The following NKD1 variants were observed in gnomAD, a reference collection of about 807,000 sequenced individuals.
NKD1 encodes protein naked cuticle homolog 1.
In NKD1, 21 loss-of-function variants were observed where a neutral mutation model predicts 56.0. That is an observed-to-expected ratio of 0.38 (90% CI 0.27 to 0.54). The LOEUF is 0.54. NKD1 is among the 20% of genes least tolerant of loss of function. The pLI is 0.82. For synonymous variants in NKD1, 263 were observed against 265.7 expected (o/e 0.99, Z 0.10); for missense variants, 578 against 642.7 (o/e 0.90, Z 1.09).
intron 3 of NKD1, among the ~76,000 whole-genome samples, chr16:50,596,620 G>T (rs1422510764): frequency 1.3e-5 from 2 of 152,256 alleles, no homozygotes; most frequent in East Asian, 3.8e-4. Flanking sequence ...TCAAGAAAAT[G>T]CAGGGCGTGT....
At chr16:50,551,745 A>T (rs1410525151) in intron 3 of NKD1, 1 of 152,168 alleles carries the variant, frequency 6.6e-6, no homozygotes, top group Non-Finnish European at 1.5e-5. Context: ...CAGAAAAAAA[A>T]ATAACTAGGA....
chr16:50,564,319 C>T (rs1431731006), intron 3 of NKD1, among the ~76,000 whole-genome samples: 1 of 152,212 alleles, frequency 6.6e-6, no homozygotes, highest in Non-Finnish European at 1.5e-5. Flanking sequence ...ACTGGCGTCT[C>T]GTCCTCTTGG....
At chr16:50,564,979 T>C (rs778095915) in intron 3 of NKD1, among the ~76,000 whole-genome samples, 5 of 152,178 alleles carry the variant, frequency 3.3e-5, no homozygotes, top group Non-Finnish European at 5.9e-5. Context: ...TGTGCATGCT[T>C]ATCCCTGCAC....
At chr16:50,549,649 T>G (rs1392514831) in intron 3 of NKD1, 94 bp downstream of exon 3, 115 of 1,221,652 alleles carry the variant, frequency 9.4e-5, no homozygotes, top group Non-Finnish European at 1.2e-4. Context: ...AGCACTTTCC[T>G]GCACAGCTTC....
At chr16:50,571,424 G>A (rs1392458839) in intron 3 of NKD1, 48 of 949,306 alleles carry the variant, frequency 5.1e-5, no homozygotes, top group Non-Finnish European at 6.0e-5. Context: ...GACCTTGGGA[G>A]TTTCAAGTGC....
At chr16:50,602,912 G>T (rs535353301) in intron 3 of NKD1, among the ~76,000 whole-genome samples, 1 of 152,230 alleles carries the variant, frequency 6.6e-6, no homozygotes, top group Non-Finnish European at 1.5e-5. Context: ...TTAACAGGAA[G>T]TGCATTGCCC....
At chr16:50,601,215 G>C (rs541563129) in intron 3 of NKD1, among the ~76,000 whole-genome samples, 1 of 152,362 alleles carries the variant, frequency 6.6e-6, no homozygotes, top group Non-Finnish European at 1.5e-5. Flanking sequence ...CGCTCCACTG[G>C]CTCCCAAGCT....
rs1962681351 is a variant in NKD1, at chr16:50,646,425, G to A, written c.*12644G>A. 2 of 152,222 alleles carry A rather than the reference G, an allele frequency of 1.3e-5. No individual in the cohort carries two copies. The highest frequency in any genetic ancestry group is 4.1e-4 in the South Asian group (2 of 4,822). 9.4% of individuals were successfully genotyped at this position (152,222 alleles called of 1,614,324 possible). A position where few individuals can be genotyped will look rare whatever the true frequency, so the allele number is the denominator to read the frequency against. ...TGATGCCACAGTCTTTTATGTACAT[G>A]GCAAAAACGGGACAGAAATTGATTT... On this transcript the variant is annotated 3_prime_UTR_variant, in exon 10 of 10. Coordinates refer to ENST00000268459, the MANE Select transcript of NKD1 (RefSeq NM_033119.5).
At position 50,633,086 on chromosome 16, in the gene NKD1, G is replaced by T; in HGVS notation, c.824-106G>T. 9.7e-7 allele frequency: 1 copy of T among 1,029,832 alleles called. No individual in the cohort carries two copies. 63.8% of individuals were successfully genotyped at this position (1,029,832 alleles called of 1,614,324 possible). A position where few individuals can be genotyped will look rare whatever the true frequency, so the allele number is the denominator to read the frequency against. On this transcript the variant is annotated intron_variant, in intron 9 of 9. Coordinates refer to ENST00000268459, the MANE Select transcript of NKD1 (RefSeq NM_033119.5). This position sits in a 1 kb window ranked among gnomAD's most constrained non-coding sequence, Gnocchi z 4.9. The stretch of plus-strand genomic sequence containing the variant: ...TGAGGGGCAGTCAGGGCATTGGGGG[G>T]TAGCTCTGGTTTTGGAGAACTGGGG...
chr16:50,581,826 G>A (rs760592276), intron 3 of NKD1, among the ~76,000 whole-genome samples: 2 of 152,192 alleles, frequency 1.3e-5, no homozygotes, highest in African/African-American at 2.4e-5. Flanking sequence ...AGAATTGTGT[G>A]TGTAGGCATG....
Position 50,613,274 on chromosome 16 carries a change from G to A in NKD1, c.259+4914G>A, listed in dbSNP as rs572493827. On this transcript the variant is annotated intron_variant, in intron 4 of 9. Transcript: ENST00000268459. ...GAGCTTGGGGTTCAAGGAGCAGTTG[G>A]GCAAGAAACAGAGAGAGAGAGCGAG... 1.2e-4 allele frequency among the ~76,000 whole-genome samples: 19 copies of A among 152,238 alleles called. No homozygotes were observed. In the South Asian group the frequency reaches 1.5e-3, roughly 12 times the overall value.
rs940293798 is a variant in NKD1 at position 50,630,184 on chromosome 16, A to G, written c.463-2A>G. 1 of 1,613,704 alleles carries G rather than the reference A, an allele frequency of 6.2e-7. No homozygotes were observed. The highest frequency in any genetic ancestry group is 1.3e-5 in the African/African-American group (1 of 74,886). The stretch of plus-strand genomic sequence containing the variant: ...ATGGGTCTCCGCTTCCCTCCCATTC[A>G]GGACATCACCAGCTTGCTGCACACC... On this transcript the variant is annotated splice_acceptor_variant, in intron 6 of 9. Transcript: ENST00000268459. LOFTEE classifies it high-confidence loss of function.
Position 50,643,494 on chromosome 16 carries a change from C to G in NKD1, c.*9713C>G, listed in dbSNP as rs567855146. On this transcript the variant is annotated 3_prime_UTR_variant, in exon 10 of 10. Coordinates refer to ENST00000268459, the MANE Select transcript of NKD1 (RefSeq NM_033119.5). ...GGGGAGCTGGGGCTGCTGGTGTGGC[C>G]GAGACCTCAGCCTCAGCAAGATGGT... 1 of 152,264 alleles carries G rather than the reference C, an allele frequency of 6.6e-6. No individual in the cohort carries two copies. Among genetic ancestry groups the G allele is most frequent in the Non-Finnish European group, 1.5e-5 (1 of 68,096 alleles). The allele number at this position is 152,264 out of a possible 1,614,324, so 9.4% of individuals were successfully genotyped here.
intron 3 of NKD1, among the ~76,000 whole-genome samples, chr16:50,593,019 G>T (rs1348586156): frequency 6.6e-6 from 1 of 152,142 alleles, no homozygotes; most frequent in Non-Finnish European, 1.5e-5. Flanking sequence ...TCACAAATAG[G>T]GAAACCAAGG....
intron 3 of NKD1, chr16:50,575,193 A>C: frequency 1.0e-6 from 1 of 985,376 alleles, no homozygotes; most frequent in Non-Finnish European, 1.2e-6. Context: ...CTGGAAGGAA[A>C]GGAAACTTGC....
At chr16:50,549,849 C>A (rs201216717) in intron 3 of NKD1, among the ~76,000 whole-genome samples, 2 of 152,076 alleles carry the variant, frequency 1.3e-5, no homozygotes, top group East Asian at 3.8e-4. Flanking sequence ...TGGGGGCCTG[C>A]TCTGACTTCT....
intron 3 of NKD1, among the ~76,000 whole-genome samples, chr16:50,579,480 A>G (rs1961065672): frequency 1.6e-5 from 2 of 126,376 alleles, no homozygotes; most frequent in Admixed American, 7.6e-5. Context: ...CCTGCGGGCT[A>G]CCCGCTACAC....
rs1227357619 is a variant in NKD1, at chr16:50,648,129, C to A, written c.*14348C>A. The A allele has an allele frequency of 3.9e-5, 6 of 152,562 alleles. No homozygotes were observed. The highest frequency in any genetic ancestry group is 2.6e-4 in the Admixed American group (4 of 15,282). 9.5% of individuals were successfully genotyped at this position (152,562 alleles called of 1,614,324 possible). ...CCACCAGGAAGGCCTCCTTTTCTCT[C>A]TTCTATAGCCACTCACTCCTGGGCC... On this transcript the variant is annotated 3_prime_UTR_variant, in exon 10 of 10. Coordinates refer to ENST00000268459, the MANE Select transcript of NKD1 (RefSeq NM_033119.5).
At chr16:50,621,180 G>A (rs1159898313) in intron 4 of NKD1, among the ~76,000 whole-genome samples, 1 of 152,264 alleles carries the variant, frequency 6.6e-6, no homozygotes. Flanking sequence ...CAGGTGGGTG[G>A]CACCTTTGAG....
Sources: gnomAD v4.1 joint callset for allele counts (sites outside exome capture counted in the v4.1 genomes callset) on GRCh38, gnomAD v4.1.1 for gene constraint, Gnocchi (gnomAD v3.1) non-coding constraint, MANE v1.5 for transcripts, NCBI Gene and HGNC (gene_info 2026-07-23, HGNC 2026-07-21) for gene names.